APBA3: variants seen among roughly 807,000 people sequenced by gnomAD.
The protein encoded by APBA3 is amyloid-beta A4 precursor protein-binding family A member 3.
In APBA3, 45 loss-of-function variants were observed where a neutral mutation model predicts 55.9. That is an observed-to-expected ratio of 0.80 (90% CI 0.63 to 1.03). APBA3 has a LOEUF of 1.03. Among genes scored for constraint, APBA3 ranks in the 50% least tolerant of loss-of-function variants. The probability of loss-of-function intolerance (pLI) is 0.00; values close to 1 mark genes in which losing one functional copy is unlikely to be tolerated. For missense variants in APBA3, 865 were observed against 820.3 expected (o/e 1.05, Z -0.67); for synonymous variants, 370 against 353.3 (o/e 1.05, Z -0.53).
chr19:3,758,627 C>T (rs1338587717), intron 3 of APBA3, among the ~76,000 whole-genome samples: 2 of 152,236 alleles, frequency 1.3e-5, no homozygotes, highest in African/African-American at 4.8e-5. Flanking sequence ...CGCTTGTAAT[C>T]CTAGCACTTT....
rs945794189 is a variant in APBA3, at chr19:3,754,234, C to A, written c.723G>T (p.Thr241=). The A allele has an allele frequency of 3.2e-6, 5 of 1,544,612 alleles. No homozygotes were observed. In the South Asian group the frequency reaches 6.0e-5, roughly 18 times the overall value. ...LVSERNPPTS[T]RMAQAREAMD... is the part of the protein sequence containing the mutation. ...TGGCCTCCCGGGCCTGGGCCATGCGCGTGCTGGTGGGCGGGTTCCGTTCCG... is the reference window on the plus strand; with the variant it reads ...TGGCCTCCCGGGCCTGGGCCATGCGAGTGCTGGTGGGCGGGTTCCGTTCCG... Residue 241 remains threonine, a synonymous_variant, in exon 4 of 11, where the codon ACG becomes ACT. Coordinates refer to ENST00000316757, the MANE Select transcript of APBA3 (RefSeq NM_004886.4).
chr19:3,753,394 G>A (rs1032689940), intron 6 of APBA3: 4 of 353,948 alleles, frequency 1.1e-5, no homozygotes, highest in African/African-American at 6.3e-5. Context: ...TGTAATTGCA[G>A]CACTTTGGGA....
chr19:3,758,856 G>T (rs2037110567), intron 3 of APBA3, among the ~76,000 whole-genome samples: 3 of 150,008 alleles, frequency 2.0e-5, no homozygotes. Flanking sequence ...CCAAGCCTGG[G>T]TGACAGACTC....
At position 3,751,030 on chromosome 19, in the gene APBA3, A is replaced by G. The variant is rs915585098; in HGVS notation, c.1724T>C (p.Leu575Pro). The G allele has an allele frequency of 1.3e-6, 2 of 1,559,094 alleles. No individual in the cohort carries two copies. Among genetic ancestry groups the G allele is most frequent in the Admixed American group, 3.9e-5 (2 of 51,778 alleles). The change falls in exon 11 of 11, where the codon CTG becomes CCG. Residue 575 changes from leucine (L) to proline (P), a missense_variant. Transcript: ENST00000316757. ...LLTGQEQPVY[L>P] ...GGCAGGCAAGGGATGAGGTGGTCAC[A>G]GGTACACGGGCTGCTCCTGGCCTGT...
At chr19:3,753,512 G>C (rs1467304332) in intron 6 of APBA3, 1 of 469,046 alleles carries the variant, frequency 2.1e-6, no homozygotes, top group South Asian at 4.3e-5. Flanking sequence ...GCCAGGCATG[G>C]TGATACCCCG....
intron 1 of APBA3, among the ~76,000 whole-genome samples, chr19:3,760,917 A>C (rs370876015): frequency 3.0e-4 from 46 of 152,250 alleles, no homozygotes; most frequent in South Asian, 8.3e-4. Context: ...TGTCTTAAAA[A>C]AAACAAACAA....
At chr19:3,755,848 G>C (rs2368927) in intron 3 of APBA3, 81,599 of 150,356 alleles carry the variant, frequency 0.54, 22,602 homozygotes, top group Admixed American at 0.69. Flanking sequence ...CATGGTTCTA[G>C]AATTCCCTGA....
Position 3,751,181 on chromosome 19 carries a change from C to G in APBA3, c.1656+8G>C, listed in dbSNP as rs1188271684. 1.9e-6 allele frequency: 3 copies of G among 1,552,470 alleles called. No individual in the cohort carries two copies. ...GGCGCCCCTGGCCACCACCCACCAC[C>G]CGCACACCTCGCCATAGGCCTCGGT... On this transcript the variant is annotated splice_region_variant and intron_variant, in intron 10 of 10. Transcript: ENST00000316757.
At chr19:3,760,405 G>A in intron 1 of APBA3, 104 bp from the exon 2 acceptor site, 2 of 704,220 alleles carry the variant, frequency 2.8e-6, no homozygotes, top group South Asian at 2.0e-5. Flanking sequence ...GAACCCAGGA[G>A]TTCAAGATCA....
At position 3,751,486 on chromosome 19, in the gene APBA3, A is replaced by T; in HGVS notation, c.1463T>A (p.Ile488Asn). 6.3e-7 allele frequency: 1 copy of T among 1,575,394 alleles called. No individual in the cohort carries two copies. The highest frequency in any genetic ancestry group is 8.6e-7 in the Non-Finnish European group (1 of 1,164,472). Reference sequence around the variant, plus strand: ...CTGCTCGCGGGCGTGGGGCCGGTGGATGATGGCGGTGGTGACGGGAGGGCA... The same window carrying T: ...CTGCTCGCGGGCGTGGGGCCGGTGGTTGATGGCGGTGGTGACGGGAGGGCA... ...VHCPPVTTAIIHRPHAREQLG... is the reference protein window; with the variant it reads ...VHCPPVTTAINHRPHAREQLG... Residue 488 changes from isoleucine to asparagine, a missense_variant, in exon 9 of 11, where the codon ATC becomes AAC. Transcript: ENST00000316757.
Position 3,752,441 on chromosome 19 carries a change from G to C in APBA3, c.1395+67C>G, listed in dbSNP as rs1418033701. The C allele has an allele frequency of 2.5e-5, 36 of 1,421,572 alleles. No individual in the cohort carries two copies. In the East Asian group the frequency reaches 8.7e-4, roughly 34 times the overall value. 88.1% of individuals were successfully genotyped at this position (1,421,572 alleles called of 1,614,324 possible). A position where few individuals can be genotyped will look rare whatever the true frequency, so the allele number is the denominator to read the frequency against. ...GGGCTGGAGAGACCTGGCCAGGGAG[G>C]AGACCTCTCTGGGACTCAGCTCCCC... On this transcript the variant is annotated intron_variant, in intron 8 of 10. Transcript: ENST00000316757.
chr19:3,753,919 A>G lies in APBA3; in HGVS notation c.857T>C (p.Met286Thr), dbSNP rs2037042821. 1.3e-6 allele frequency: 2 copies of G among 1,555,366 alleles called. No individual in the cohort carries two copies. Among genetic ancestry groups the G allele is most frequent in the Non-Finnish European group, 8.7e-7 (1 of 1,148,428 alleles). Residue 286 changes from methionine (M) to threonine (T), a missense_variant, in exon 6 of 11, where the codon ATG becomes ACG. Coordinates refer to ENST00000316757, the MANE Select transcript of APBA3 (RefSeq NM_004886.4). ...KVLTADSQEA[M>T]MDHALHTISY... The stretch of plus-strand genomic sequence containing the variant: ...GATGGTATGCAGGGCGTGGTCCATC[A>G]TGGCCTCCTGGGGCGGGAGAGGCAG...
Position 3,752,580 on chromosome 19 carries a change from C to T in APBA3, c.1323G>A (p.Gly441=). Residue 441 remains glycine (G), a synonymous_variant, in exon 8 of 11, where the codon GGG becomes GGA. Coordinates refer to ENST00000316757, the MANE Select transcript of APBA3 (RefSeq NM_004886.4). ...TCCCGTTGATGGCGGTCAGGCGGTC[C>T]CCGATGCTGAGGGCCCCCGAGCGCT... ...PAERSGALSI[G]DRLTAINGTS... The T allele has an allele frequency of 1.3e-6, 2 of 1,587,840 alleles. No homozygotes were observed. Among genetic ancestry groups the T allele is most frequent in the South Asian group, 2.3e-5 (2 of 88,300 alleles).
chr19:3,753,898 G>C lies in APBA3; in HGVS notation c.878C>G (p.Thr293Ser), dbSNP rs377689559. 1 of 1,557,420 alleles carries C rather than the reference G, an allele frequency of 6.4e-7. No homozygotes were observed. Among genetic ancestry groups the C allele is most frequent in the Admixed American group, 1.9e-5 (1 of 51,516 alleles). ...GCCGATGTCGGCTGTGTAGGAGATGGTATGCAGGGCGTGGTCCATCATGGC... is the reference window on the plus strand; with the variant it reads ...GCCGATGTCGGCTGTGTAGGAGATGCTATGCAGGGCGTGGTCCATCATGGC... ...QEAMMDHALH[T>S]ISYTADIGCV... The change falls in exon 6 of 11, where the codon ACC becomes AGC. Residue 293 changes from threonine to serine, a missense_variant. Coordinates refer to ENST00000316757, the MANE Select transcript of APBA3 (RefSeq NM_004886.4).
intron 3 of APBA3, among the ~76,000 whole-genome samples, chr19:3,757,331 T>C (rs1450445546): frequency 6.6e-6 from 1 of 152,080 alleles, no homozygotes; most frequent in Non-Finnish European, 1.5e-5. Flanking sequence ...GGTCTCGAAC[T>C]CCTGGGCTCA....
chr19:3,753,010 G>A lies in APBA3; in HGVS notation c.1012-20C>T, dbSNP rs187696771. 3.9e-5 allele frequency: 63 copies of A among 1,606,100 alleles called. No homozygotes were observed. Among genetic ancestry groups the A allele is most frequent in the East Asian group, 2.5e-4 (11 of 44,848 alleles). On this transcript the variant is annotated intron_variant, in intron 6 of 10. Transcript: ENST00000316757. ...CTGGGCCTGCGGGGAGGAGTGGCGC[G>A]TCCCTGGGGTGTCCCACCCACCTCC...
At position 3,760,320 on chromosome 19, in the gene APBA3, G is replaced by A; in HGVS notation, c.-37-19C>T. 6.7e-7 allele frequency: 1 copy of A among 1,489,004 alleles called. No homozygotes were observed. The highest frequency in any genetic ancestry group is 2.4e-5 in the East Asian group (1 of 41,750). 92.2% of individuals were successfully genotyped at this position (1,489,004 alleles called of 1,614,324 possible). A position where few individuals can be genotyped will look rare whatever the true frequency, so the allele number is the denominator to read the frequency against. On this transcript the variant is annotated intron_variant, in intron 1 of 10. Transcript: ENST00000316757. ...CAGGCAGCTGAAAGAGAGAGAGTCA[G>A]CACTGAGGTTTCGCCCGGGTGCAGT...
At position 3,751,291 on chromosome 19, in the gene APBA3, C is replaced by CCCACGCTCGGCGATGCCA; in HGVS notation, c.1536_1553dup (p.Ala515_Ile520dup). The CCCACGCTCGGCGATGCCA allele has an allele frequency of 6.5e-7, 1 of 1,541,274 alleles. No individual in the cohort carries two copies. Among genetic ancestry groups the CCCACGCTCGGCGATGCCA allele is most frequent in the Non-Finnish European group, 8.7e-7 (1 of 1,146,634 alleles). On this transcript the variant is annotated inframe_insertion, in exon 10 of 11. Coordinates refer to ENST00000316757, the MANE Select transcript of APBA3 (RefSeq NM_004886.4). ...TGATGCGGTGGCCGACGCGGATGCC[C>CCCACGCTCGGCGATGCCA]CCACGCTCGGCGATGCCACCACGGA...
At chr19:3,751,390 G>T in intron 9 of APBA3, 44 bp downstream of exon 9, 16 of 1,515,026 alleles carry the variant, frequency 1.1e-5, no homozygotes, top group Non-Finnish European at 1.3e-5. Flanking sequence ...CGTGCTCAGG[G>T]CCGCCCTACC....
Sources: gnomAD v4.1 joint callset for allele counts (sites outside exome capture counted in the v4.1 genomes callset) on GRCh38, gnomAD v4.1.1 for gene constraint, MANE v1.5 for transcripts, NCBI Gene and HGNC (gene_info 2026-07-23, HGNC 2026-07-21) for gene names.